The following BTNL8 variants were observed in gnomAD, a reference collection of about 807,000 sequenced individuals.
The protein encoded by BTNL8 is butyrophilin-like protein 8.
A neutral mutation model predicts 36.1 loss-of-function variants in BTNL8; 22 were observed. That is an observed-to-expected ratio of 0.61 (90% CI 0.44 to 0.87). The LOEUF (loss-of-function observed/expected upper bound fraction) is 0.87. BTNL8 is among the 40% of genes least tolerant of loss of function. The pLI is 0.00. For missense variants in BTNL8, 526 were observed against 616.9 expected, an observed-to-expected ratio of 0.85 and a Z score of 1.56; for synonymous variants, 203 against 235.6, an observed-to-expected ratio of 0.86 and a Z score of 1.27.
rs957987376 is a variant in BTNL8, at chr5:180,908,618, G to A, written c.82G>A (p.Val28Ile). ...GCAGGTGTTTGGGCCAGACAAGCCTGTCCAGGCCTTGGTGGGGGAGGACGC... is the reference window on the plus strand; with the variant it reads ...GCAGGTGTTTGGGCCAGACAAGCCTATCCAGGCCTTGGTGGGGGAGGACGC... Reference protein sequence around the residue: ...QWQVFGPDKPVQALVGEDAAF... With the variant: ...QWQVFGPDKPIQALVGEDAAF... Residue 28 changes from valine (V) to isoleucine (I), a missense_variant, in exon 2 of 8, where the codon GTC becomes ATC. By Grantham distance (29) the Val-to-Ile change is conservative. Coordinates refer to ENST00000340184, the MANE Select transcript of BTNL8 (RefSeq NM_001040462.3). 1 of 1,614,230 alleles carries A rather than the reference G, an allele frequency of 6.2e-7. No individual in the cohort carries two copies. The highest frequency in any genetic ancestry group is 1.3e-5 in the African/African-American group (1 of 75,064).
intron 3 of BTNL8, among the ~76,000 whole-genome samples, chr5:180,914,970 G>A (rs1757557626): frequency 6.6e-6 from 1 of 152,192 alleles, no homozygotes; most frequent in Non-Finnish European, 1.5e-5. Flanking sequence ...CAAAGTGAAT[G>A]TCCAGATTCC....
intron 3 of BTNL8, among the ~76,000 whole-genome samples, chr5:180,923,327 G>A (rs537639244): frequency 6.6e-6 from 1 of 152,140 alleles, no homozygotes; most frequent in South Asian, 2.1e-4. Context: ...TAAAAGGTTA[G>A]GTCAACATTG....
chr5:180,942,220 G>A (rs1008043491), intron 3 of BTNL8, among the ~76,000 whole-genome samples: 17 of 151,912 alleles, frequency 1.1e-4, no homozygotes, highest in Non-Finnish European at 2.2e-4. Flanking sequence ...AAATACCAAG[G>A]AATAAGTTTA....
chr5:180,910,991 T>C (rs1757361836), intron 2 of BTNL8, among the ~76,000 whole-genome samples: 1 of 152,214 alleles, frequency 6.6e-6, no homozygotes, highest in Non-Finnish European at 1.5e-5. Context: ...ATTAGAGGCT[T>C]CACTATTACT....
chr5:180,932,513 AT>A lies in BTNL8; in HGVS notation c.674-14990del, dbSNP rs566763326. On this transcript the variant is annotated intron_variant, in intron 3 of 7. Coordinates refer to ENST00000340184, the MANE Select transcript of BTNL8 (RefSeq NM_001040462.3). ...AGGTGCCCGCCACCATGCCTGGCTA[AT>A]TTTTTTTTGTATTTTTAGTAGAGAC... is the stretch of plus-strand genomic sequence containing the variant. 2.0e-5 allele frequency among the ~76,000 whole-genome samples: 3 copies of A among 151,100 alleles called. No homozygotes were observed. The East Asian group carries it at 5.8e-4, about 29-fold the overall frequency.
chr5:180,942,920 A>T (rs935154113), intron 3 of BTNL8, among the ~76,000 whole-genome samples: 1 of 152,142 alleles, frequency 6.6e-6, no homozygotes, highest in Non-Finnish European at 1.5e-5. Context: ...AGACAATAAA[A>T]GCAGAAACAG....
chr5:180,903,664 C>T (rs1480602661), intron 1 of BTNL8, among the ~76,000 whole-genome samples: 5 of 67,748 alleles, frequency 7.4e-5, no homozygotes, highest in African/African-American at 2.1e-4. Context: ...TTAGGTCTAA[C>T]GTTTAAGTCT....
chr5:180,928,390 G>A (rs1162584493), intron 3 of BTNL8, among the ~76,000 whole-genome samples: 1 of 152,114 alleles, frequency 6.6e-6, no homozygotes, highest in African/African-American at 2.4e-5. Context: ...ACACCAAGTT[G>A]TAGAAACTGC....
chr5:180,911,610 AGGAGGTGAGTAG>A lies in BTNL8; in HGVS notation c.673+2_673+13del, dbSNP rs1244046995. The A allele has an allele frequency of 5.0e-6, 8 of 1,606,644 alleles. No homozygotes were observed. The highest frequency in any genetic ancestry group is 5.1e-6 in the Non-Finnish European group (6 of 1,173,986). On this transcript the variant is annotated splice_donor_variant and splice_donor_5th_base_variant and coding_sequence_variant and intron_variant, in exon 3 of 8. Coordinates refer to ENST00000340184, the MANE Select transcript of BTNL8 (RefSeq NM_001040462.3). LOFTEE classifies it high-confidence loss of function. The stretch of plus-strand genomic sequence containing the variant: ...GAGAGGTGGAATCCAGGGTACAGAT[AGGAGGTGAGTAG>A]GGAGGGGAGGAGAAGAGAAGGAGGG...
chr5:180,911,250 T>TG (rs1235505959), intron 2 of BTNL8, 89 bp from the exon 3 acceptor site: 9 of 1,541,028 alleles, frequency 5.8e-6, no homozygotes, highest in African/African-American at 5.5e-5. Context: ...AGAGAATGGG[T>TG]GGGGGGTGGA....
chr5:180,929,225 A>G (rs1351513916), intron 3 of BTNL8, among the ~76,000 whole-genome samples: 1 of 152,256 alleles, frequency 6.6e-6, no homozygotes, highest in Admixed American at 6.5e-5. Context: ...TGGGTAAACA[A>G]TGAAATTAAA....
intron 5 of BTNL8, 126 bp downstream of exon 5, chr5:180,948,501 A>G (rs1251748960): frequency 2.2e-5 from 35 of 1,607,656 alleles, no homozygotes; most frequent in Admixed American, 1.0e-4. Context: ...GGTGGAGGAG[A>G]GCAGCTGCTC....
At chr5:180,901,358 C>T (rs550881063) in intron 1 of BTNL8, among the ~76,000 whole-genome samples, 29 of 152,198 alleles carry the variant, frequency 1.9e-4, no homozygotes, top group South Asian at 1.0e-3. Flanking sequence ...GAGACACTGC[C>T]AGTCAAAGGG....
In BTNL8 at chr5:180,908,619, TC is replaced by T. The variant is rs1461474196; in HGVS notation, c.85del (p.Gln29ArgfsTer60). 9 of 1,614,218 alleles carry T rather than the reference TC, an allele frequency of 5.6e-6. No homozygotes were observed. The highest frequency in any genetic ancestry group is 7.6e-6 in the Non-Finnish European group (9 of 1,180,026). On this transcript the variant is annotated frameshift_variant, in exon 2 of 8. Transcript: ENST00000340184. LOFTEE classifies it high-confidence loss of function. The stretch of plus-strand genomic sequence containing the variant: ...CAGGTGTTTGGGCCAGACAAGCCTG[TC>T]CAGGCCTTGGTGGGGGAGGACGCAG... ...QWQVFGPDKPVQALVGEDAAF... is the reference protein window; with the variant it reads ...QWQVFGPDKPXQALVGEDAAF...
chr5:180,947,445 T>C, intron 3 of BTNL8, 67 bp from the exon 4 acceptor site: 1 of 1,575,964 alleles, frequency 6.3e-7, no homozygotes, highest in East Asian at 2.2e-5. Context: ...AGGTGACTCC[T>C]TAAAGAAGAA....
chr5:180,912,250 A>G (rs1004161914), intron 3 of BTNL8, among the ~76,000 whole-genome samples: 2 of 152,050 alleles, frequency 1.3e-5, no homozygotes, highest in African/African-American at 4.8e-5. Context: ...TCTGGTTTCA[A>G]CGTAAATGAA....
Position 180,908,989 on chromosome 5 carries a change from A to C in BTNL8, c.397+56A>C, listed in dbSNP as rs986188618. 5.3e-6 allele frequency: 8 copies of C among 1,513,594 alleles called. No homozygotes were observed. In the African/African-American group the frequency reaches 1.1e-4, roughly 21 times the overall value. 93.8% of individuals were successfully genotyped at this position (1,513,594 alleles called of 1,614,324 possible). A position where few individuals can be genotyped will look rare whatever the true frequency, so the allele number is the denominator to read the frequency against. Reference sequence around the variant, plus strand: ...CCAAAGAACCATCCTGGACTTTATAAGTGTTTTTTTCAATAAGGAAATTTT... The same window carrying C: ...CCAAAGAACCATCCTGGACTTTATACGTGTTTTTTTCAATAAGGAAATTTT... On this transcript the variant is annotated intron_variant, in intron 2 of 7. Coordinates refer to ENST00000340184, the MANE Select transcript of BTNL8 (RefSeq NM_001040462.3).
At chr5:180,909,032 A>G (rs924449404) in intron 2 of BTNL8, 99 bp downstream of exon 2, 7 of 1,229,806 alleles carry the variant, frequency 5.7e-6, no homozygotes, top group Non-Finnish European at 8.0e-6. Flanking sequence ...TAGGTCATTT[A>G]GTTAGAAGGC....
intron 3 of BTNL8, among the ~76,000 whole-genome samples, chr5:180,921,775 C>T (rs1757876232): frequency 6.6e-6 from 1 of 151,772 alleles, no homozygotes; most frequent in East Asian, 1.9e-4. Context: ...TGTCTATAGT[C>T]TTGATGGTGG....
Sources: allele counts gnomAD v4.1 joint callset (sites outside exome capture counted in the v4.1 genomes callset), GRCh38; gene constraint gnomAD v4.1.1; transcripts MANE v1.5; gene names NCBI Gene and HGNC (gene_info 2026-07-23, HGNC 2026-07-21).